The following ALK variants were observed in gnomAD, a reference collection of about 807,000 sequenced individuals.
The protein encoded by ALK is ALK receptor tyrosine kinase.
In ALK, 74 loss-of-function variants were observed where a neutral mutation model predicts 163.1. The ratio of observed to expected loss-of-function variants is 0.45; its 90% CI spans 0.38 to 0.55. The LOEUF (loss-of-function observed/expected upper bound fraction) is 0.55. ALK is among the 20% of genes least tolerant of loss of function. The probability of loss-of-function intolerance (pLI) is 0.00; values close to 1 mark genes in which losing one functional copy is unlikely to be tolerated. For missense variants in ALK, 2,063 were observed against 2,105.3 expected (o/e 0.98, Z 0.39); for synonymous variants, 960 against 843.2 (o/e 1.14, Z -2.40).
intron 4 of ALK, among the ~76,000 whole-genome samples, chr2:29,499,532 G>A (rs1426025325): frequency 6.6e-6 from 1 of 152,074 alleles, no homozygotes; most frequent in African/African-American, 2.4e-5. Flanking sequence ...GGGCTGACTA[G>A]TTTTACAAAT....
chr2:29,388,780 A>C (rs1225124383), intron 4 of ALK, among the ~76,000 whole-genome samples: 2 of 152,230 alleles, frequency 1.3e-5, no homozygotes, highest in African/African-American at 4.8e-5. Flanking sequence ...GGAATATAGT[A>C]AAAGAGGGTG....
intron 9 of ALK, among the ~76,000 whole-genome samples, chr2:29,283,462 C>T (rs189110158): frequency 7.9e-5 from 12 of 152,216 alleles, no homozygotes; most frequent in Non-Finnish European, 1.6e-4. Context: ...TGTTGGCTTG[C>T]GGCTTGGGGA....
chr2:29,221,765 G>A (rs1057456220), intron 22 of ALK, among the ~76,000 whole-genome samples: 4 of 152,158 alleles, frequency 2.6e-5, no homozygotes, highest in Non-Finnish European at 5.9e-5. Context: ...GTGACAGGGG[G>A]CCATGAGCCC....
chr2:29,317,397 C>T (rs1359911652), intron 8 of ALK, among the ~76,000 whole-genome samples: 2 of 152,208 alleles, frequency 1.3e-5, no homozygotes, highest in Non-Finnish European at 2.9e-5. Context: ...AAGCACAAGA[C>T]ATGGCCTGCT....
At chr2:29,530,855 G>T (rs1212744852) in intron 4 of ALK, among the ~76,000 whole-genome samples, 1 of 152,244 alleles carries the variant, frequency 6.6e-6, no homozygotes, top group Non-Finnish European at 1.5e-5. Flanking sequence ...ATGAGTTTAG[G>T]AATGGGGAGA....
Position 29,275,141 on chromosome 2 carries a change from C to T in ALK, c.1999G>A (p.Gly667Arg), listed in dbSNP as rs539763601. ...ERNPNKELKP[G>R]ENSPRQTPIF... Reference sequence around the variant, plus strand: ...GGGGTCTGTCTTGGTGAATTTTCCCCGGGTTTCAGCTCCTTGTTTGGGTTT... The same window carrying T: ...GGGGTCTGTCTTGGTGAATTTTCCCTGGGTTTCAGCTCCTTGTTTGGGTTT... The change falls in exon 11 of 29, where the codon GGG becomes AGG. Residue 667 changes from glycine (G) to arginine (R), a missense_variant. Gly to Arg is a moderately radical substitution (Grantham distance 125, BLOSUM62 -2). Around this residue, in one of 5 missense-constraint regions of ALK, gnomAD observed 987 missense variants for 939.5 expected, o/e 1.05. Transcript: ENST00000389048. 7.4e-5 allele frequency: 120 copies of T among 1,614,136 alleles called. 1 individual carries two copies. The highest frequency in any genetic ancestry group is 6.6e-4 in the Middle Eastern group (4 of 6,024).
At chr2:29,509,529 A>G (rs955192399) in intron 4 of ALK, among the ~76,000 whole-genome samples, 6 of 152,104 alleles carry the variant, frequency 3.9e-5, no homozygotes, top group Admixed American at 3.3e-4. Flanking sequence ...CCAGGCAACT[A>G]TCTCTCTCTG....
intron 1 of ALK, among the ~76,000 whole-genome samples, chr2:29,720,884 G>A (rs1168390311): frequency 1.3e-5 from 2 of 152,086 alleles, no homozygotes; most frequent in Non-Finnish European, 2.9e-5. Flanking sequence ...AGGATCCAGA[G>A]TGAAATGGGC....
At chr2:29,862,213 C>T (rs895785532) in intron 1 of ALK, among the ~76,000 whole-genome samples, 1 of 152,054 alleles carries the variant, frequency 6.6e-6, no homozygotes, top group Admixed American at 6.5e-5. Context: ...AGATCAGGAA[C>T]AAGACAAGAT....
chr2:29,556,414 ATCACAG>A (rs1176837946), intron 3 of ALK, among the ~76,000 whole-genome samples: 2 of 152,228 alleles, frequency 1.3e-5, no homozygotes, highest in Admixed American at 1.3e-4. Context: ...TATTATTGTC[ATCACAG>A]TCCTTACTAT....
chr2:29,598,462 T>C (rs1675280040), intron 3 of ALK, among the ~76,000 whole-genome samples: 1 of 152,202 alleles, frequency 6.6e-6, no homozygotes, highest in Non-Finnish European at 1.5e-5. Flanking sequence ...CATGGCATGA[T>C]CCTAAAACAG....
intron 3 of ALK, among the ~76,000 whole-genome samples, chr2:29,533,426 G>C (rs1441633566): frequency 6.6e-6 from 1 of 152,192 alleles, no homozygotes; most frequent in Non-Finnish European, 1.5e-5. Flanking sequence ...GAAATGACTT[G>C]TCCAAAGTCT....
intron 1 of ALK, among the ~76,000 whole-genome samples, chr2:29,807,600 G>T (rs1215265022): frequency 6.6e-6 from 1 of 152,190 alleles, no homozygotes; most frequent in South Asian, 2.1e-4. Flanking sequence ...TGTTAGGTGG[G>T]AGTTCAAATA....
Position 29,920,766 on chromosome 2 carries a change from T to C in ALK, c.-107A>G. ...CAGTCCTTGGTACCCAGCGGCTCCT[T>C]CCACCTGATCTCCAGAGGACTGTGC... On this transcript the variant is annotated 5_prime_UTR_variant, in exon 1 of 29. Coordinates refer to ENST00000389048, the MANE Select transcript of ALK (RefSeq NM_004304.5). The C allele has an allele frequency of 1.0e-6, 1 of 998,016 alleles. No individual in the cohort carries two copies. Among genetic ancestry groups the C allele is most frequent in the Non-Finnish European group, 1.5e-6 (1 of 675,174 alleles). 61.8% of individuals were successfully genotyped at this position (998,016 alleles called of 1,614,324 possible). A position where few individuals can be genotyped will look rare whatever the true frequency, so the allele number is the denominator to read the frequency against.
intron 4 of ALK, among the ~76,000 whole-genome samples, chr2:29,426,250 A>C (rs576213409): frequency 6.6e-6 from 1 of 152,280 alleles, no homozygotes; most frequent in East Asian, 1.9e-4. Flanking sequence ...CACTGCAGGG[A>C]AATAGACTAC....
chr2:29,510,718 G>T (rs1338762943), intron 4 of ALK, among the ~76,000 whole-genome samples: 1 of 152,190 alleles, frequency 6.6e-6, no homozygotes, highest in Admixed American at 6.5e-5. Flanking sequence ...ACAGAGTATG[G>T]TTGAACAACT....
intron 4 of ALK, among the ~76,000 whole-genome samples, chr2:29,446,642 T>C (rs1055965816): frequency 1.8e-4 from 27 of 152,218 alleles, no homozygotes; most frequent in African/African-American, 6.0e-4. Context: ...TGCTATACAA[T>C]GGCAGTAGAT....
In ALK at chr2:29,239,799, C is replaced by T. The variant is rs1553397495; in HGVS notation, c.2236G>A (p.Gly746Ser). Residue 746 changes from glycine (G) to serine (S), a missense_variant, in exon 13 of 29, where the codon GGC becomes AGC. Transcript: ENST00000389048. Reference sequence around the variant, plus strand: ...GACCGCATCATGGTGTTCTTCCCGCCTTTCCCGCCAGCAGCTCCGTAGCCC... The same window carrying T: ...GACCGCATCATGGTGTTCTTCCCGCTTTTCCCGCCAGCAGCTCCGTAGCCC... ...ISGYGAAGGK[G>S]GKNTMMRSHG... is the part of the protein sequence containing the mutation. The T allele has an allele frequency of 6.2e-7, 1 of 1,613,904 alleles. No homozygotes were observed. The highest frequency in any genetic ancestry group is 8.5e-7 in the Non-Finnish European group (1 of 1,179,978).
intron 1 of ALK, among the ~76,000 whole-genome samples, chr2:29,802,512 GGGAGGGGAGGGGAGA>G (rs1419587606): frequency 4.0e-4 from 2 of 4,956 alleles, no homozygotes; most frequent in Non-Finnish European, 9.5e-4. Context: ...AGGAGAGGAG[GGGAGGGGAGGGGAGA>G]GGAGGGGAGA....
Sources: gnomAD v4.1 joint callset for allele counts (sites outside exome capture counted in the v4.1 genomes callset) on GRCh38, gnomAD v4.1.1 for gene constraint, gnomAD v4.1.1 regional missense constraint, MANE v1.5 for transcripts, NCBI Gene and HGNC (gene_info 2026-07-23, HGNC 2026-07-21) for gene names.